Variants in TMPRSS11F observed in about 807,000 individuals in gnomAD.
TMPRSS11F encodes the protein transmembrane serine protease 11F, also known as transmembrane protease serine 11F.
Under a neutral mutation model 60.2 loss-of-function variants are expected in TMPRSS11F, and 47 were observed. That is an observed-to-expected ratio of 0.78 (90% CI 0.62 to 1.00). The LOEUF is 1.00. Among genes scored for constraint, TMPRSS11F ranks in the 50% least tolerant of loss-of-function variants. The probability of loss-of-function intolerance (pLI) is 0.00; values close to 1 mark genes in which losing one functional copy is unlikely to be tolerated. For synonymous variants in TMPRSS11F, 166 were observed against 167.3 expected (o/e 0.99, Z 0.06); for missense variants, 519 against 522.9 (o/e 0.99, Z 0.07).
rs1391077565 is a variant in TMPRSS11F, at chr4:68,062,386, A to T, written c.1015+2299T>A. On this transcript the variant is annotated intron_variant, in intron 8 of 9. Transcript: ENST00000356291. ...TACACATATTTTCTTCATTTATCTC[A>T]GTATTAGATGTTCTTTCCATAGAAC... is the stretch of plus-strand genomic sequence containing the variant. The T allele has an allele frequency of 9.5e-6, 5 of 528,204 alleles. No individual in the cohort carries two copies. The East Asian group carries it at 2.4e-4, about 25-fold the overall frequency. The allele number at this position is 528,204 out of a possible 1,614,324, so 32.7% of individuals were successfully genotyped here. A position where few individuals can be genotyped will look rare whatever the true frequency, so the allele number is the denominator to read the frequency against.
chr4:68,108,079 G>A (rs190148789), intron 1 of TMPRSS11F, among the ~76,000 whole-genome samples: 1 of 152,206 alleles, frequency 6.6e-6, no homozygotes, highest in African/African-American at 2.4e-5. Flanking sequence ...CTGATTAGGG[G>A]ACCCTTGCAA....
chr4:68,111,641 C>A (rs1724411528), intron 1 of TMPRSS11F, among the ~76,000 whole-genome samples: 1 of 152,160 alleles, frequency 6.6e-6, no homozygotes, highest in Non-Finnish European at 1.5e-5. Context: ...TCCCCAAATG[C>A]CATCTTGAGG....
chr4:68,073,683 G>C (rs1267615685), intron 4 of TMPRSS11F, among the ~76,000 whole-genome samples: 1 of 152,136 alleles, frequency 6.6e-6, no homozygotes, highest in Non-Finnish European at 1.5e-5. Flanking sequence ...GGGGGGAAGA[G>C]GGAATGTTAA....
intron 6 of TMPRSS11F, among the ~76,000 whole-genome samples, chr4:68,069,747 A>T (rs1432229558): frequency 6.6e-6 from 1 of 152,048 alleles, no homozygotes; most frequent in African/African-American, 2.4e-5. Context: ...GGTGTTTTTA[A>T]CCACATCTCG....
Position 68,129,670 on chromosome 4 carries a change from T to C in TMPRSS11F, c.11+140A>G, listed in dbSNP as rs542193411. On this transcript the variant is annotated intron_variant, in intron 1 of 9. Transcript: ENST00000356291. Reference sequence around the variant, plus strand: ...TTTAAAAACAACAACAATAAAACTTTAATATAAAATACAATAACACACATT... The same window carrying C: ...TTTAAAAACAACAACAATAAAACTTCAATATAAAATACAATAACACACATT... 43 of 685,574 alleles carry C rather than the reference T, an allele frequency of 6.3e-5. No homozygotes were observed. The East Asian group carries it at 1.3e-3, about 20-fold the overall frequency. 42.5% of individuals were successfully genotyped at this position (685,574 alleles called of 1,614,324 possible).
rs550290456 is a variant in TMPRSS11F at position 68,129,074 on chromosome 4, C to G, written c.11+736G>C. 2.6e-5 allele frequency among the ~76,000 whole-genome samples: 4 copies of G among 152,150 alleles called. No individual in the cohort carries two copies. In the East Asian group the frequency reaches 5.8e-4, roughly 22 times the overall value. ...TTGTGTCTGTAGAAAGATCGAGAAC[C>G]TTTTTAAGAAACAAGGCTAGACTTA... On this transcript the variant is annotated intron_variant, in intron 1 of 9. Transcript: ENST00000356291.
intron 1 of TMPRSS11F, among the ~76,000 whole-genome samples, chr4:68,112,232 G>A (rs1724421206): frequency 6.6e-6 from 1 of 152,032 alleles, no homozygotes; most frequent in South Asian, 2.1e-4. Flanking sequence ...CTGTCTTTGA[G>A]CCTTTGAACA....
intron 1 of TMPRSS11F, among the ~76,000 whole-genome samples, chr4:68,101,136 T>C (rs1046875380): frequency 3.3e-5 from 5 of 152,166 alleles, no homozygotes; most frequent in African/African-American, 1.2e-4. Flanking sequence ...AAAGGGACTT[T>C]TTAAAAAATC....
chr4:68,085,602 G>A (rs114500125), intron 3 of TMPRSS11F, among the ~76,000 whole-genome samples: 2,710 of 152,146 alleles, frequency 0.018, 79 homozygotes, highest in African/African-American at 0.062. Flanking sequence ...TGGTCTAAAT[G>A]TCCCATTTAA....
At chr4:68,086,497 C>G (rs1723816329) in intron 3 of TMPRSS11F, among the ~76,000 whole-genome samples, 1 of 151,970 alleles carries the variant, frequency 6.6e-6, no homozygotes, top group Non-Finnish European at 1.5e-5. Flanking sequence ...AACACCAAAG[C>G]TAGCAAAATA....
At chr4:68,125,061 C>T (rs1240915687) in intron 1 of TMPRSS11F, among the ~76,000 whole-genome samples, 4 of 144,010 alleles carry the variant, frequency 2.8e-5, no homozygotes, top group African/African-American at 1.0e-4. Context: ...TTATATTCTA[C>T]AAAAAATAAA....
At chr4:68,124,232 A>AC (rs1180233035) in intron 1 of TMPRSS11F, among the ~76,000 whole-genome samples, 2 of 151,904 alleles carry the variant, frequency 1.3e-5, no homozygotes, top group Admixed American at 6.6e-5. Context: ...AAAAAAAAAA[A>AC]AAACAAACCT....
rs545198741 is a variant in TMPRSS11F, at chr4:68,072,230, A to AATAT, written c.514+89_514+92dup. On this transcript the variant is annotated intron_variant, in intron 5 of 9. Transcript: ENST00000356291. ...ATATATATATATCTTCCAAAAAAAA[A>AATAT]ATATATATATATATATATATTGCTT... 1.7e-3 allele frequency: 158 copies of AATAT among 92,738 alleles called. 3 individuals carry two copies. The highest frequency in any genetic ancestry group is 3.4e-3 in the Admixed American group (29 of 8,622). The allele number at this position is 92,738 out of a possible 1,614,324, so 5.7% of individuals were successfully genotyped here. A position where few individuals can be genotyped will look rare whatever the true frequency, so the allele number is the denominator to read the frequency against.
In TMPRSS11F at chr4:68,069,951, G is replaced by C. The variant is rs1298549743; in HGVS notation, c.553+18C>G. ...TTTACTGTGAAATAAACAGTTAATT[G>C]TGGGTTTTGGAACTTACGACTGTTG... is the stretch of plus-strand genomic sequence containing the variant. On this transcript the variant is annotated intron_variant, in intron 6 of 9. Coordinates refer to ENST00000356291, the MANE Select transcript of TMPRSS11F (RefSeq NM_207407.2). 7.6e-6 allele frequency: 12 copies of C among 1,582,958 alleles called. No individual in the cohort carries two copies. Among genetic ancestry groups the C allele is most frequent in the Middle Eastern group, 3.3e-4 (2 of 5,976 alleles).
intron 9 of TMPRSS11F, among the ~76,000 whole-genome samples, chr4:68,056,943 T>C (rs1033052724): frequency 6.6e-6 from 1 of 152,196 alleles, no homozygotes; most frequent in African/African-American, 2.4e-5. Flanking sequence ...GAGGAAAAGA[T>C]AGTCTATTCA....
intron 1 of TMPRSS11F, among the ~76,000 whole-genome samples, 186 bp downstream of exon 1, chr4:68,129,624 T>C (rs1724779956): frequency 6.6e-6 from 1 of 152,160 alleles, no homozygotes; most frequent in East Asian, 1.9e-4. Context: ...TTGGCCTCTG[T>C]TGTTCAAAAA....
chr4:68,075,666 G>A (rs1385185766), intron 3 of TMPRSS11F, among the ~76,000 whole-genome samples: 1 of 152,150 alleles, frequency 6.6e-6, no homozygotes, highest in African/African-American at 2.4e-5. Context: ...ATAGGACAAT[G>A]AACCATTTTC....
intron 1 of TMPRSS11F, among the ~76,000 whole-genome samples, chr4:68,123,487 C>T (rs772033597): frequency 6.6e-6 from 1 of 152,146 alleles, no homozygotes; most frequent in Non-Finnish European, 1.5e-5. Flanking sequence ...ACCACAATAT[C>T]CCATGAGTTA....
Position 68,098,854 on chromosome 4 carries a change from C to T in TMPRSS11F, c.163+33G>A, listed in dbSNP as rs751729069. On this transcript the variant is annotated intron_variant, in intron 2 of 9. Coordinates refer to ENST00000356291, the MANE Select transcript of TMPRSS11F (RefSeq NM_207407.2). ...TTTCAAGATACGAAGTCATGGAGTA[C>T]TTAGGCAATGGAACTGTGACCTGGA... The T allele has an allele frequency of 3.4e-5, 54 of 1,582,076 alleles. No individual in the cohort carries two copies. The South Asian group carries it at 6.1e-4, about 18-fold the overall frequency.
Sources: gnomAD v4.1 joint callset for allele counts (sites outside exome capture counted in the v4.1 genomes callset) on GRCh38, gnomAD v4.1.1 for gene constraint, MANE v1.5 for transcripts, NCBI Gene and HGNC (gene_info 2026-07-23, HGNC 2026-07-21) for gene names.